The following RBFOX1 variants were observed in gnomAD, a reference collection of about 807,000 sequenced individuals.
RBFOX1 encodes RNA binding fox-1 homolog 1, also known as RNA binding protein fox-1 homolog 1.
In RBFOX1, 8 loss-of-function variants were observed where a neutral mutation model predicts 57.7. The ratio of observed to expected loss-of-function variants is 0.14; its 90% CI spans 0.08 to 0.25. The LOEUF is 0.25. Among genes scored for constraint, RBFOX1 ranks in the 10% least tolerant of loss-of-function variants. The pLI is 1.00. For missense variants in RBFOX1, 611 were observed against 548.5 expected, an observed-to-expected ratio of 1.11 and a Z score of -1.14; for synonymous variants, 326 against 222.4, an observed-to-expected ratio of 1.47 and a Z score of -4.15.
At chr16:6,001,847 T>G (rs946373112) in intron 4 of RBFOX1, among the ~76,000 whole-genome samples, 1 of 152,140 alleles carries the variant, frequency 6.6e-6, no homozygotes, top group African/African-American at 2.4e-5. Context: ...GAATATCCAA[T>G]GGGACTCAGA....
At chr16:6,563,775 G>C (rs747691598) in intron 2 of RBFOX1, among the ~76,000 whole-genome samples, 2 of 151,982 alleles carry the variant, frequency 1.3e-5, no homozygotes, top group Non-Finnish European at 1.5e-5. Flanking sequence ...GCAGTGAGCT[G>C]AGACTGAGCC....
chr16:5,921,379 G>A (rs2058817827), intron 4 of RBFOX1, among the ~76,000 whole-genome samples: 2 of 152,192 alleles, frequency 1.3e-5, no homozygotes. Context: ...AAGATGCAAG[G>A]TGGAATCTGA....
intron 4 of RBFOX1, among the ~76,000 whole-genome samples, chr16:5,903,889 C>G (rs547532088): frequency 2.6e-5 from 4 of 152,260 alleles, no homozygotes; most frequent in African/African-American, 9.6e-5. Context: ...CCTGCATGTG[C>G]TCACCAGAGC....
chr16:7,665,397 T>C (rs1285307363), intron 13 of RBFOX1, among the ~76,000 whole-genome samples: 1 of 152,260 alleles, frequency 6.6e-6, no homozygotes, highest in East Asian at 1.9e-4. Flanking sequence ...CCCTAAAATA[T>C]CACAGTAGCC....
At chr16:6,746,032 A>G (rs1335769475) in intron 3 of RBFOX1, among the ~76,000 whole-genome samples, 2 of 152,228 alleles carry the variant, frequency 1.3e-5, no homozygotes, top group African/African-American at 4.8e-5. Context: ...TAGCATTTTG[A>G]ACAGTGAAAT....
chr16:6,675,464 A>G (rs529303739), intron 3 of RBFOX1, among the ~76,000 whole-genome samples: 10 of 152,174 alleles, frequency 6.6e-5, no homozygotes, highest in Admixed American at 5.9e-4. Flanking sequence ...GCATTTGACA[A>G]ATTTAGTGAC....
chr16:7,131,053 C>T (rs1284268842), intron 4 of RBFOX1, among the ~76,000 whole-genome samples: 3 of 152,112 alleles, frequency 2.0e-5, no homozygotes, highest in Admixed American at 1.3e-4. Context: ...TCATAAGAAT[C>T]ATAGCTTCTG....
intron 3 of RBFOX1, among the ~76,000 whole-genome samples, chr16:5,849,656 C>T (rs1387626234): frequency 6.6e-6 from 1 of 152,150 alleles, no homozygotes; most frequent in African/African-American, 2.4e-5. Context: ...GGAGGCTGCT[C>T]TCCTGTTGCG....
chr16:5,532,120 GCTTCCCAAC>G (rs2151036441), intron 2 of RBFOX1, among the ~76,000 whole-genome samples: 1 of 152,226 alleles, frequency 6.6e-6, no homozygotes, highest in East Asian at 1.9e-4. Context: ...CTTGATCAGG[GCTTCCCAAC>G]CTCAACACTA....
chr16:5,398,863 T>C (rs1387997702), intron 1 of RBFOX1, among the ~76,000 whole-genome samples: 1 of 152,206 alleles, frequency 6.6e-6, no homozygotes, highest in South Asian at 2.1e-4. Context: ...GTTTGAGGCG[T>C]AACCCGCAGC....
intron 1 of RBFOX1, among the ~76,000 whole-genome samples, chr16:6,297,535 A>C (rs556977495): frequency 2.0e-5 from 3 of 152,252 alleles, no homozygotes; most frequent in Non-Finnish European, 4.4e-5. Flanking sequence ...AAATGAGAAT[A>C]GTGGTGATTT....
In RBFOX1 at chr16:7,585,630, G is replaced by C. The variant is rs573454320; in HGVS notation, c.415-1617G>C. ...CTATGGCACAGAATGACAAACTTTT[G>C]GTTACTTTGTCCCATAGTCAGAACT... On this transcript the variant is annotated intron_variant, in intron 6 of 15. Coordinates refer to ENST00000550418, the MANE Select transcript of RBFOX1 (RefSeq NM_018723.4). Among the ~76,000 whole-genome samples the C allele has an allele frequency of 3.9e-5, 6 of 152,208 alleles. No individual in the cohort carries two copies. The South Asian group carries it at 1.0e-3, about 26-fold the overall frequency.
chr16:5,815,179 A>C (rs13339389), intron 3 of RBFOX1, among the ~76,000 whole-genome samples: 1,462 of 50,320 alleles, frequency 0.029, 31 homozygotes, highest in African/African-American at 0.097. Flanking sequence ...TTTTTTTTGT[A>C]GAGACAGTCT....
At chr16:7,357,074 A>T (rs1302845485) in intron 4 of RBFOX1, among the ~76,000 whole-genome samples, 1 of 152,182 alleles carries the variant, frequency 6.6e-6, no homozygotes, top group Non-Finnish European at 1.5e-5. Flanking sequence ...TTCTGCATCA[A>T]GGTAAACCAG....
intron 12 of RBFOX1, among the ~76,000 whole-genome samples, chr16:7,660,657 T>C (rs1215199556): frequency 2.6e-5 from 4 of 152,234 alleles, no homozygotes; most frequent in African/African-American, 9.6e-5. Flanking sequence ...TGGTGTTGCA[T>C]AGAGCTATGA....
intron 4 of RBFOX1, among the ~76,000 whole-genome samples, chr16:7,201,822 G>A (rs143367969): frequency 1.3e-3 from 196 of 152,252 alleles, no homozygotes; most frequent in African/African-American, 4.5e-3. Context: ...CGGCAAGCGT[G>A]AAGTTAGGAA....
intron 3 of RBFOX1, among the ~76,000 whole-genome samples, chr16:6,893,246 T>C (rs1256063621): frequency 6.6e-6 from 1 of 152,112 alleles, no homozygotes; most frequent in South Asian, 2.1e-4. Flanking sequence ...ACACAGCTTC[T>C]CCCAGAAGAA....
rs969434796 is a variant in RBFOX1 at position 5,326,258 on chromosome 16, G to C, written c.219+86153G>C. On this transcript the variant is annotated intron_variant, in intron 1 of 2. Coordinates refer to the RBFOX1 transcript ENST00000585867. ...ATTGTAAATTCAGAGAGCCAATGTG[G>C]CTAGCAGAGCCTCAAACTAACAGCT... 2.0e-5 allele frequency among the ~76,000 whole-genome samples: 3 copies of C among 152,272 alleles called. No individual in the cohort carries two copies. The South Asian group carries it at 6.2e-4, about 32-fold the overall frequency.
intron 4 of RBFOX1, among the ~76,000 whole-genome samples, chr16:7,487,552 A>G (rs540852293): frequency 1.3e-5 from 2 of 152,322 alleles, no homozygotes; most frequent in South Asian, 4.1e-4. Context: ...ATGTCTTTCC[A>G]TGTTTCAGAA....
Sources: gnomAD v4.1 joint callset for allele counts (sites outside exome capture counted in the v4.1 genomes callset) on GRCh38, gnomAD v4.1.1 for gene constraint, MANE v1.5 for transcripts, NCBI Gene and HGNC (gene_info 2026-07-23, HGNC 2026-07-21) for gene names.